STK32B: variants seen among roughly 807,000 people sequenced by gnomAD.
STK32B encodes serine/threonine-protein kinase 32B.
A neutral mutation model predicts 52.6 loss-of-function variants in STK32B; 43 were observed. The observed-to-expected ratio is 0.82, with a 90% confidence interval of 0.64 to 1.05. STK32B has a LOEUF of 1.05. Among genes scored for constraint, STK32B ranks in the 50% least tolerant of loss-of-function variants. The pLI is 0.00. For missense variants in STK32B, 621 were observed against 534.6 expected (o/e 1.16, Z -1.59); for synonymous variants, 238 against 204.3 (o/e 1.17, Z -1.41).
intron 3 of STK32B, 59 bp downstream of exon 3, chr4:5,168,509 T>G: frequency 3.9e-6 from 6 of 1,540,834 alleles, no homozygotes; most frequent in Non-Finnish European, 5.3e-6. Context: ...CAAATGCAAA[T>G]TCGCCTCTGC....
At chr4:5,153,444 C>T (rs1406239347) in intron 2 of STK32B, among the ~76,000 whole-genome samples, 3 of 149,378 alleles carry the variant, frequency 2.0e-5, no homozygotes, top group East Asian at 2.0e-4. Context: ...TGGTACCTGG[C>T]GTGTGGATGG....
At chr4:5,194,861 T>A (rs1333438161) in intron 3 of STK32B, among the ~76,000 whole-genome samples, 1 of 152,138 alleles carries the variant, frequency 6.6e-6, no homozygotes, top group Non-Finnish European at 1.5e-5. Flanking sequence ...TACACACTTT[T>A]AAACAATCAG....
chr4:5,112,792 G>A (rs147568364), intron 1 of STK32B, among the ~76,000 whole-genome samples: 38 of 152,266 alleles, frequency 2.5e-4, no homozygotes, highest in African/African-American at 8.2e-4. Context: ...GTTTCACAAA[G>A]AGCTGGTGAA....
intron 4 of STK32B, among the ~76,000 whole-genome samples, chr4:5,366,934 C>T (rs1049145545): frequency 6.6e-6 from 1 of 152,110 alleles, no homozygotes; most frequent in Non-Finnish European, 1.5e-5. Context: ...CCACACCCCT[C>T]CCATTTAGCA....
At chr4:5,291,900 G>T (rs1728915102) in intron 3 of STK32B, among the ~76,000 whole-genome samples, 1 of 152,020 alleles carries the variant, frequency 6.6e-6, no homozygotes, top group Admixed American at 6.6e-5. Flanking sequence ...GTGCAGGTTT[G>T]TTACATGAAT....
intron 1 of STK32B, among the ~76,000 whole-genome samples, chr4:5,070,451 C>T (rs115179186): frequency 0.019 from 2,841 of 152,208 alleles, 64 homozygotes; most frequent in Non-Finnish European, 0.025. Context: ...AAATATCTGT[C>T]ATTGTAGGGG....
rs1385037478 is a variant in STK32B at position 5,051,776 on chromosome 4, C to G, written c.-88C>G. On this transcript the variant is annotated 5_prime_UTR_variant, in exon 1 of 12. Transcript: ENST00000282908. ...GCTACAACCCGGACTGGGCGCGCCC[C>G]CGGCATCCCGCATCTCTGCGCGCGT... 2.6e-6 allele frequency: 4 copies of G among 1,533,236 alleles called. No homozygotes were observed. The Admixed American group carries it at 8.0e-5, about 31-fold the overall frequency. The allele number at this position is 1,533,236 out of a possible 1,614,324, so 95.0% of individuals were successfully genotyped here. A position where few individuals can be genotyped will look rare whatever the true frequency, so the allele number is the denominator to read the frequency against.
At chr4:5,164,403 G>C (rs1157706721) in intron 2 of STK32B, among the ~76,000 whole-genome samples, 1 of 152,114 alleles carries the variant, frequency 6.6e-6, no homozygotes, top group Non-Finnish European at 1.5e-5. Context: ...CATTTGGTTT[G>C]GGCCCGTCCT....
chr4:5,027,089 A>T, the STK32B span, among the ~76,000 whole-genome samples: 3 of 152,310 alleles, frequency 2.0e-5, no homozygotes, highest in South Asian at 6.2e-4. Context: ...CTAGCCGGAC[A>T]TTGCCTCTGG....
intron 1 of STK32B, among the ~76,000 whole-genome samples, chr4:5,076,834 T>C (rs904666363): frequency 2.0e-5 from 3 of 152,224 alleles, no homozygotes; most frequent in East Asian, 1.9e-4. Context: ...CCTTGGACTT[T>C]TTTTTATAAC....
rs748590636 is a variant in STK32B, at chr4:5,460,173, A to G, written c.854A>G (p.Asp285Gly). 6.2e-7 allele frequency: 1 copy of G among 1,614,138 alleles called. No homozygotes were observed. The highest frequency in any genetic ancestry group is 8.5e-7 in the Non-Finnish European group (1 of 1,180,022). Reference protein sequence around the residue: ...HDIQSVPYLADMNWDAVFKKA... With the variant: ...HDIQSVPYLAGMNWDAVFKKA... ...ATACAGAGCGTGCCCTACTTGGCCGACATGAACTGGGACGCGGTGTTCAAG... is the reference window on the plus strand; with the variant it reads ...ATACAGAGCGTGCCCTACTTGGCCGGCATGAACTGGGACGCGGTGTTCAAG... Residue 285 changes from aspartate (D) to glycine (G), a missense_variant, in exon 9 of 12, where the codon GAC becomes GGC. Physicochemically the swap from Asp to Gly is moderately conservative, Grantham distance 94. Coordinates refer to ENST00000282908, the MANE Select transcript of STK32B (RefSeq NM_018401.3). The surrounding 1 kb of genome is among the most constrained non-coding windows in gnomAD (Gnocchi z 4.8).
intron 6 of STK32B, among the ~76,000 whole-genome samples, chr4:5,442,907 T>C (rs1281089761): frequency 1.3e-5 from 2 of 152,052 alleles, no homozygotes; most frequent in Non-Finnish European, 2.9e-5. Context: ...GAAAATTCTT[T>C]TCTTTAAGAA....
chr4:5,454,776 C>T (rs966402490), intron 7 of STK32B, among the ~76,000 whole-genome samples: 4 of 152,056 alleles, frequency 2.6e-5, no homozygotes, highest in African/African-American at 4.8e-5. Flanking sequence ...CTTTGTGTCA[C>T]GTAAGGGGCA....
the STK32B span, among the ~76,000 whole-genome samples, chr4:5,040,432 T>A: frequency 6.9e-6 from 1 of 144,730 alleles, no homozygotes; most frequent in South Asian, 2.2e-4. Flanking sequence ...TCTCGCTGTG[T>A]CGCCAGGCTG....
At chr4:5,041,647 C>G in the STK32B span, among the ~76,000 whole-genome samples, 1 of 152,104 alleles carries the variant, frequency 6.6e-6, no homozygotes, top group South Asian at 2.1e-4. Flanking sequence ...CGCACACACA[C>G]GCACACATAA....
intron 4 of STK32B, among the ~76,000 whole-genome samples, chr4:5,397,714 G>A (rs1737008486): frequency 6.6e-6 from 1 of 152,220 alleles, no homozygotes; most frequent in East Asian, 1.9e-4. Context: ...GTGATTCTTA[G>A]CTCCCAGGCC....
chr4:5,158,778 G>C (rs1057021437), intron 2 of STK32B, among the ~76,000 whole-genome samples: 1 of 152,070 alleles, frequency 6.6e-6, no homozygotes, highest in African/African-American at 2.4e-5. Flanking sequence ...GTGTGTCTCT[G>C]TCCCGATCCC....
At chr4:5,080,457 C>CT (rs1577054917) in intron 1 of STK32B, among the ~76,000 whole-genome samples, 1 of 152,256 alleles carries the variant, frequency 6.6e-6, no homozygotes, top group Non-Finnish European at 1.5e-5. Context: ...TTCTTCCTGG[C>CT]TTTTTTTAGA....
intron 3 of STK32B, among the ~76,000 whole-genome samples, chr4:5,264,534 C>T (rs1442972122): frequency 1.3e-5 from 2 of 152,076 alleles, no homozygotes; most frequent in Non-Finnish European, 2.9e-5. Context: ...CGCCTGTAAT[C>T]CCAGCACTTT....
Sources: allele counts gnomAD v4.1 joint callset (sites outside exome capture counted in the v4.1 genomes callset), GRCh38; gene constraint gnomAD v4.1.1; non-coding constraint Gnocchi (gnomAD v3.1); transcripts MANE v1.5; gene names NCBI Gene and HGNC (gene_info 2026-07-23, HGNC 2026-07-21).